TOP1MT: variants seen among roughly 807,000 people sequenced by gnomAD.
The protein encoded by TOP1MT is DNA topoisomerase I mitochondrial.
A neutral mutation model predicts 73.9 loss-of-function variants in TOP1MT; 80 were observed. That is an observed-to-expected ratio of 1.08 (90% CI 0.90 to 1.30). The LOEUF (loss-of-function observed/expected upper bound fraction) is 1.30, where lower values mean the gene tolerates loss of function less well. Ranked by LOEUF, TOP1MT falls within the 50% of genes most tolerant of loss-of-function variation. The pLI is 0.00. For missense variants in TOP1MT, 815 were observed against 808.0 expected (o/e 1.01, Z -0.10); for synonymous variants, 338 against 326.4 (o/e 1.04, Z -0.38).
intron 8 of TOP1MT, among the ~76,000 whole-genome samples, chr8:143,318,913 G>A (rs1001797789): frequency 6.6e-6 from 1 of 152,214 alleles, no homozygotes; most frequent in Non-Finnish European, 1.5e-5. Context: ...TCTTGACGAG[G>A]CTTTATGTCC....
rs1391884096 is a variant in TOP1MT, at chr8:143,341,886, C to A, written c.29+1334G>T. ...CTTTCTCCTCCCCCTTCTTCTTCTT[C>A]TTATTAGCGACAGAGTCTCACTCTG... On this transcript the variant is annotated intron_variant, in intron 2 of 5. Coordinates refer to the TOP1MT transcript ENST00000518007. The surrounding 1 kb of genome is among the most constrained non-coding windows in gnomAD (Gnocchi z 4.1). Among the ~76,000 whole-genome samples the A allele has an allele frequency of 9.3e-5, 14 of 150,650 alleles. No individual in the cohort carries two copies. In the East Asian group the frequency reaches 2.5e-3, roughly 27 times the overall value.
At position 143,309,392 on chromosome 8, in the gene TOP1MT, G is replaced by A; in HGVS notation, c.*49C>T. Reference sequence around the variant, plus strand: ...AAAATTCCCCAGTACTGCTTTAATAGTGAAAAAAACACACACACATACAAA... The same window carrying A: ...AAAATTCCCCAGTACTGCTTTAATAATGAAAAAAACACACACACATACAAA... On this transcript the variant is annotated 3_prime_UTR_variant, in exon 14 of 14. Transcript: ENST00000329245. 1 of 1,583,710 alleles carries A rather than the reference G, an allele frequency of 6.3e-7. No individual in the cohort carries two copies. Among genetic ancestry groups the A allele is most frequent in the Non-Finnish European group, 8.6e-7 (1 of 1,158,074 alleles).
intron 1 of TOP1MT, among the ~76,000 whole-genome samples, chr8:143,354,185 G>A (rs1817368255): frequency 2.0e-5 from 3 of 151,906 alleles, no homozygotes; most frequent in South Asian, 2.1e-4. Context: ...ACGGATCAAC[G>A]AATCCCAGAT....
At chr8:143,310,427 G>A (rs1032418471) in intron 12 of TOP1MT, 13 of 466,588 alleles carry the variant, frequency 2.8e-5, no homozygotes, top group Non-Finnish European at 4.5e-5. Flanking sequence ...GAGGAGGGCC[G>A]TGGGCGGAGG....
chr8:143,356,807 A>AC (rs1339780125), upstream of TOP1MT, among the ~76,000 whole-genome samples: 4 of 129,702 alleles, frequency 3.1e-5, no homozygotes, highest in Non-Finnish European at 6.5e-5. Context: ...AAAAAAAAAA[A>AC]AAAAGACCAC....
Position 143,324,636 on chromosome 8 carries a change from C to A in TOP1MT, c.672-7G>T, listed in dbSNP as rs1339537979. 4.3e-6 allele frequency: 7 copies of A among 1,612,002 alleles called. No individual in the cohort carries two copies. Among genetic ancestry groups the A allele is most frequent in the Non-Finnish European group, 5.9e-6 (7 of 1,179,232 alleles). On this transcript the variant is annotated splice_polypyrimidine_tract_variant and splice_region_variant and intron_variant, in intron 5 of 13. Coordinates refer to ENST00000329245, the MANE Select transcript of TOP1MT (RefSeq NM_052963.3). Reference sequence around the variant, plus strand: ...CTCGGGGATCTTCGAGTCCCTGCAGCAGAACAACGACCCAAACATAACTTG... The same window carrying A: ...CTCGGGGATCTTCGAGTCCCTGCAGAAGAACAACGACCCAAACATAACTTG...
chr8:143,359,294 G>A (rs1429723890), upstream of TOP1MT: 1 of 985,168 alleles, frequency 1.0e-6, no homozygotes, highest in African/African-American at 1.8e-5. Context: ...TGCCAGCAAA[G>A]CGATCCAGGA....
intron 1 of TOP1MT, chr8:143,355,831 A>T (rs1817398470): frequency 6.6e-6 from 1 of 152,208 alleles, no homozygotes; most frequent in South Asian, 2.1e-4. Flanking sequence ...AACACGAGGC[A>T]GGTCCCAATT....
At position 143,329,441 on chromosome 8, in the gene TOP1MT, T is replaced by A; in HGVS notation, c.269A>T (p.Glu90Val). 1 of 1,610,936 alleles carries A rather than the reference T, an allele frequency of 6.2e-7. No individual in the cohort carries two copies. ...GRPVRLSVAAEEVATFYGRML... is the reference protein window; with the variant it reads ...GRPVRLSVAAVEVATFYGRML... ...CCTCCCATAAAAAGTGGCGACCTCC[T>A]CCGCTGCCACGCTCAATCTCACAGG... Residue 90 changes from glutamate to valine, a missense_variant, in exon 3 of 14, where the codon GAG becomes GTG. Around this residue, in one of 3 missense-constraint regions of TOP1MT, gnomAD observed 751 missense variants for 725.4 expected, o/e 1.04. Transcript: ENST00000329245.
At chr8:143,342,326 C>CACTCT (rs1285098293) in intron 2 of TOP1MT, among the ~76,000 whole-genome samples, 3 of 129,698 alleles carry the variant, frequency 2.3e-5, no homozygotes, top group African/African-American at 3.9e-5. Flanking sequence ...GACAGAGTCT[C>CACTCT]GCTGTTATTA....
At chr8:143,331,113 C>T (rs1379733398) in intron 2 of TOP1MT, 111 bp downstream of exon 2, 10 of 812,800 alleles carry the variant, frequency 1.2e-5, no homozygotes, top group East Asian at 2.6e-5. Context: ...ACAGAGCGCT[C>T]ATAGCCAGAA....
chr8:143,342,976 G>GTCTC (rs1391478841), intron 2 of TOP1MT, among the ~76,000 whole-genome samples: 2 of 151,946 alleles, frequency 1.3e-5, no homozygotes, highest in Non-Finnish European at 2.9e-5. Flanking sequence ...GGACAGGCTG[G>GTCTC]TCTCAAATTC....
chr8:143,347,573 G>A (rs555254790), upstream of TOP1MT, among the ~76,000 whole-genome samples: 24 of 152,200 alleles, frequency 1.6e-4, no homozygotes, highest in Non-Finnish European at 2.9e-4. Flanking sequence ...AATTATAGGC[G>A]TGCCTGGCCA....
At chr8:143,312,495 G>A (rs1233289374) in intron 12 of TOP1MT, among the ~76,000 whole-genome samples, 3 of 148,898 alleles carry the variant, frequency 2.0e-5, no homozygotes, top group African/African-American at 7.3e-5. Context: ...AAAATCATTT[G>A]ACAAAATCCA....
upstream of TOP1MT, among the ~76,000 whole-genome samples, chr8:143,345,973 T>A (rs1231244869): frequency 6.6e-6 from 1 of 151,952 alleles, no homozygotes; most frequent in African/African-American, 2.4e-5. Flanking sequence ...GATGGTCGAG[T>A]GTGTGTGGAC....
chr8:143,323,201 CACAGGCACGCCACACAG>C (rs1816573148), intron 7 of TOP1MT, among the ~76,000 whole-genome samples: 1 of 112,050 alleles, frequency 8.9e-6, no homozygotes, highest in Non-Finnish European at 1.9e-5. Context: ...GCATGCCACA[CACAGGCACGCCACACAG>C]GCACGCCACA....
chr8:143,323,000 CACAG>C (rs2130154829), intron 7 of TOP1MT, among the ~76,000 whole-genome samples: 1 of 133,960 alleles, frequency 7.5e-6, no homozygotes, highest in Non-Finnish European at 1.6e-5. Context: ...GCACGCCACA[CACAG>C]GCACGCCACA....
intron 2 of TOP1MT, among the ~76,000 whole-genome samples, chr8:143,329,813 T>G (rs994358709): frequency 7.2e-5 from 11 of 152,302 alleles, no homozygotes; most frequent in African/African-American, 2.6e-4. Flanking sequence ...TCCACAAAAT[T>G]TCACAAGTAA....
chr8:143,322,439 G>A (rs1349382156), intron 7 of TOP1MT, among the ~76,000 whole-genome samples: 10 of 79,342 alleles, frequency 1.3e-4, no homozygotes, highest in East Asian at 8.2e-4. Context: ...CACACCACAC[G>A]CACGCCACAC....
Sources: gnomAD v4.1 joint callset for allele counts (sites outside exome capture counted in the v4.1 genomes callset) on GRCh38, gnomAD v4.1.1 for gene constraint, gnomAD v4.1.1 regional missense constraint, Gnocchi (gnomAD v3.1) non-coding constraint, MANE v1.5 for transcripts, NCBI Gene and HGNC (gene_info 2026-07-23, HGNC 2026-07-21) for gene names.